The following ELF1 variants were observed in gnomAD, a reference collection of about 807,000 sequenced individuals.
ELF1 encodes the protein ETS-related transcription factor Elf-1.
In ELF1, 24 loss-of-function variants were observed where a neutral mutation model predicts 59.9. The observed-to-expected ratio is 0.40, with a 90% CI of 0.29 to 0.56. The LOEUF is 0.56. Among genes scored for constraint, ELF1 ranks in the 20% least tolerant of loss-of-function variants. The probability of loss-of-function intolerance (pLI) is 0.44; values close to 1 mark genes in which losing one functional copy is unlikely to be tolerated. For missense variants in ELF1, 627 were observed against 742.2 expected (o/e 0.84, Z 1.80); for synonymous variants, 248 against 266.2 (o/e 0.93, Z 0.67).
At chr13:40,995,920 GAA>G (rs1026794801) in intron 1 of ELF1, among the ~76,000 whole-genome samples, 24 of 152,232 alleles carry the variant, frequency 1.6e-4, no homozygotes, top group African/African-American at 5.8e-4. Context: ...TCAAGAGAAT[GAA>G]AAGACAAACC....
chr13:40,993,403 G>A (rs1459126858), intron 1 of ELF1: 5 of 767,782 alleles, frequency 6.5e-6, no homozygotes, highest in African/African-American at 1.7e-5. Flanking sequence ...TGGGGGGAGC[G>A]GGGCTGGGCG....
chr13:41,001,411 G>C (rs960625025), intron 1 of ELF1, among the ~76,000 whole-genome samples: 1 of 152,074 alleles, frequency 6.6e-6, no homozygotes, highest in African/African-American at 2.4e-5. Context: ...AACATAGCAA[G>C]ACTCCATCTA....
chr13:41,050,932 T>A (rs1877063200), intron 1 of ELF1, among the ~76,000 whole-genome samples: 1 of 152,216 alleles, frequency 6.6e-6, no homozygotes, highest in Admixed American at 6.5e-5. Flanking sequence ...GGAATTCTTG[T>A]ACAAGAGTTT....
intron 1 of ELF1, among the ~76,000 whole-genome samples, chr13:41,017,336 G>A (rs1566190737): frequency 6.6e-6 from 1 of 152,084 alleles, no homozygotes; most frequent in Non-Finnish European, 1.5e-5. Context: ...GCGAAGCCCT[G>A]CCATTAGGTA....
chr13:40,954,566 G>A (rs1422883197), intron 3 of ELF1, among the ~76,000 whole-genome samples: 2 of 151,884 alleles, frequency 1.3e-5, no homozygotes, highest in Non-Finnish European at 2.9e-5. Context: ...TCCTGCCTCA[G>A]CCTGCCGAGT....
chr13:41,003,136 G>A (rs1254463366), intron 1 of ELF1, among the ~76,000 whole-genome samples: 1 of 152,110 alleles, frequency 6.6e-6, no homozygotes. Context: ...CCAACTGGTG[G>A]TAAGCTAAGC....
At chr13:40,999,900 G>A (rs529905349) in intron 1 of ELF1, among the ~76,000 whole-genome samples, 18 of 152,250 alleles carry the variant, frequency 1.2e-4, no homozygotes, top group East Asian at 3.9e-4. Context: ...TTTCGAAAAC[G>A]TATGACTAAT....
chr13:40,993,190 C>T, intron 1 of ELF1: 3 of 1,523,252 alleles, frequency 2.0e-6, no homozygotes, highest in Non-Finnish European at 2.7e-6. Flanking sequence ...GCATTTTCCC[C>T]TTTCTTCATT....
chr13:40,950,061 T>C, intron 4 of ELF1, 88 bp from the exon 5 acceptor site: 1 of 1,165,630 alleles, frequency 8.6e-7, no homozygotes, highest in Middle Eastern at 2.9e-4. Context: ...CTATTATGAC[T>C]AGAAGATTAA....
intron 1 of ELF1, among the ~76,000 whole-genome samples, chr13:41,010,936 T>C (rs1418865333): frequency 6.6e-6 from 1 of 152,186 alleles, no homozygotes; most frequent in Non-Finnish European, 1.5e-5. Context: ...AGATCTATGT[T>C]TTCACTTTCT....
At chr13:41,060,329 A>C (rs1027834253) in intron 1 of ELF1, among the ~76,000 whole-genome samples, 4 of 152,194 alleles carry the variant, frequency 2.6e-5, no homozygotes, top group Admixed American at 6.5e-5. Flanking sequence ...CCCGTCCTGC[A>C]TAGGAAGAGT....
intron 1 of ELF1, among the ~76,000 whole-genome samples, chr13:41,053,162 T>C (rs1378741718): frequency 6.6e-6 from 1 of 152,130 alleles, no homozygotes; most frequent in East Asian, 1.9e-4. Flanking sequence ...CAGACCAGCC[T>C]GGCCAATACA....
chr13:41,060,947 T>TGCC, exon 1 of ELF1: 1 of 311,208 alleles, frequency 3.2e-6, no homozygotes, highest in Non-Finnish European at 6.3e-6. Flanking sequence ...CCGCCGCCGC[T>TGCC]GCTGCTGCCC....
chr13:40,974,799 T>TG (rs1872801717), intron 2 of ELF1, among the ~76,000 whole-genome samples: 1 of 152,186 alleles, frequency 6.6e-6, no homozygotes, highest in Non-Finnish European at 1.5e-5. Context: ...TCAGCCTCCT[T>TG]GCTGCCAAGA....
intron 2 of ELF1, among the ~76,000 whole-genome samples, chr13:40,962,327 C>T (rs1240868010): frequency 6.6e-6 from 1 of 151,734 alleles, no homozygotes; most frequent in Non-Finnish European, 1.5e-5. Context: ...GAGAAAAAAA[C>T]GTTTCCTTTG....
intron 1 of ELF1, among the ~76,000 whole-genome samples, chr13:41,018,418 C>T (rs1043569952): frequency 1.6e-4 from 25 of 152,182 alleles, no homozygotes; most frequent in Admixed American, 1.6e-3. Context: ...CAATACTCAT[C>T]ACTTTTTCTT....
chr13:41,051,661 T>G (rs530957792), intron 1 of ELF1, among the ~76,000 whole-genome samples: 9 of 152,216 alleles, frequency 5.9e-5, no homozygotes, highest in African/African-American at 2.2e-4. Context: ...CAAAAAACTT[T>G]AAGTAATAAG....
At chr13:40,988,481 T>C (rs899940289) in intron 1 of ELF1, among the ~76,000 whole-genome samples, 1 of 152,226 alleles carries the variant, frequency 6.6e-6, no homozygotes, top group African/African-American at 2.4e-5. Context: ...TACCTTACCA[T>C]ACCCCAGTAC....
chr13:40,964,972 G>A (rs1593366784), intron 2 of ELF1, among the ~76,000 whole-genome samples: 2 of 152,260 alleles, frequency 1.3e-5, no homozygotes, highest in South Asian at 2.1e-4. Context: ...AGGTACTAGA[G>A]GTTAGAACTT....
Sources: allele counts gnomAD v4.1 joint callset (sites outside exome capture counted in the v4.1 genomes callset), GRCh38; gene constraint gnomAD v4.1.1; transcripts MANE v1.5; gene names NCBI Gene and HGNC (gene_info 2026-07-23, HGNC 2026-07-21).